Variants in CLTCL1 observed in about 807,000 individuals in gnomAD.
The protein encoded by CLTCL1 is clathrin heavy chain like 1.
Under a neutral mutation model 190.0 loss-of-function variants are expected in CLTCL1, and 159 were observed. That is an observed-to-expected ratio of 0.84 (90% CI 0.74 to 0.95). The LOEUF is 0.95. Ranked by LOEUF, CLTCL1 falls within the 40% of genes least tolerant of loss-of-function variation. The pLI, the probability that CLTCL1 is intolerant of heterozygous loss-of-function variation, is 0.00. For synonymous variants in CLTCL1, 752 were observed against 769.6 expected (o/e 0.98, Z 0.38); for missense variants, 1,878 against 2,033.4 (o/e 0.92, Z 1.47).
At chr22:19,232,027 T>A (rs1312856989) in intron 10 of CLTCL1, among the ~76,000 whole-genome samples, 1 of 152,176 alleles carries the variant, frequency 6.6e-6, no homozygotes, top group Non-Finnish European at 1.5e-5. Flanking sequence ...CATCTAAATT[T>A]TAAGTAGGTT....
intron 27 of CLTCL1, among the ~76,000 whole-genome samples, chr22:19,189,101 C>A (rs1429449135): frequency 6.6e-6 from 1 of 152,132 alleles, no homozygotes; most frequent in Non-Finnish European, 1.5e-5. Flanking sequence ...GACAGAGTTT[C>A]ACCACGTTGG....
chr22:19,191,058 G>A (rs576222488), intron 27 of CLTCL1, among the ~76,000 whole-genome samples: 173 of 152,322 alleles, frequency 1.1e-3, no homozygotes, highest in Middle Eastern at 3.4e-3. Context: ...TTACAGGCGT[G>A]AGCCACCGCA....
chr22:19,217,477 G>A (rs1226591022), intron 18 of CLTCL1, among the ~76,000 whole-genome samples: 1 of 151,892 alleles, frequency 6.6e-6, no homozygotes, highest in Non-Finnish European at 1.5e-5. Context: ...GTAGCCGGGC[G>A]TGGTGGCGGG....
chr22:19,202,780 A>T (rs1280780009), intron 22 of CLTCL1, among the ~76,000 whole-genome samples: 1 of 152,118 alleles, frequency 6.6e-6, no homozygotes, highest in Non-Finnish European at 1.5e-5. Context: ...CGATTCCTCA[A>T]GCTGAGTATT....
chr22:19,206,688 C>T (rs1555942901), intron 22 of CLTCL1, among the ~76,000 whole-genome samples: 3 of 151,986 alleles, frequency 2.0e-5, no homozygotes, highest in Admixed American at 6.6e-5. Context: ...TCTCGCACTT[C>T]GGCCTCCCAA....
At chr22:19,273,787 G>A (rs1184424477) in intron 2 of CLTCL1, among the ~76,000 whole-genome samples, 1 of 151,948 alleles carries the variant, frequency 6.6e-6, no homozygotes, top group Admixed American at 6.6e-5. Context: ...TGCTTCCTTA[G>A]ACTACCCCCT....
intron 23 of CLTCL1, among the ~76,000 whole-genome samples, chr22:19,200,667 C>T (rs373755682): frequency 1.3e-5 from 2 of 152,008 alleles, no homozygotes; most frequent in African/African-American, 2.4e-5. Context: ...GGTGAAACCC[C>T]GACTCTACTA....
At chr22:19,248,456 T>G (rs782532682) in intron 3 of CLTCL1, among the ~76,000 whole-genome samples, 2 of 152,176 alleles carry the variant, frequency 1.3e-5, no homozygotes, top group Non-Finnish European at 2.9e-5. Flanking sequence ...CATCCAATGT[T>G]TCTTCGTATA....
At chr22:19,223,750 A>T in intron 14 of CLTCL1, 141 bp downstream of exon 14, 1 of 887,916 alleles carries the variant, frequency 1.1e-6, no homozygotes, top group Admixed American at 2.7e-5. Flanking sequence ...TTTAAGCCAT[A>T]AAGTGGAGCT....
chr22:19,247,044 C>T (rs2086440756), intron 3 of CLTCL1, among the ~76,000 whole-genome samples: 1 of 152,118 alleles, frequency 6.6e-6, no homozygotes, highest in African/African-American at 2.4e-5. Context: ...GCTTTTGGTG[C>T]TATTATATAT....
At position 19,199,541 on chromosome 22, in the gene CLTCL1, G is replaced by A. The variant is rs182025741; in HGVS notation, c.3873+193C>T. 4.6e-3 allele frequency among the ~76,000 whole-genome samples: 706 copies of A among 152,328 alleles called. 7 individuals carry two copies. The highest frequency in any genetic ancestry group is 7.4e-3 in the Non-Finnish European group (501 of 68,040). On this transcript the variant is annotated intron_variant, in intron 24 of 32. Transcript: ENST00000427926. ...AAATTCCAGCCAGCCATGAGGTCGA[G>A]GATAGCTAACAAGGCAATTGAATTT...
rs943935492 is a variant in CLTCL1 at position 19,208,167 on chromosome 22, G to C, written c.3587C>G (p.Ala1196Gly). ...LEDFINGPNNAHIQQVGDRCY... is the reference protein window; with the variant it reads ...LEDFINGPNNGHIQQVGDRCY... ...GGCATGGCCTACCTGCTGGATGTGGGCATTGTTGGGTCCATTAATAAAATC... is the reference window on the plus strand; with the variant it reads ...GGCATGGCCTACCTGCTGGATGTGGCCATTGTTGGGTCCATTAATAAAATC... The change falls in exon 22 of 33, where the codon GCC becomes GGC. Residue 1196 changes from alanine to glycine, a missense_variant. Coordinates refer to ENST00000427926, the MANE Select transcript of CLTCL1 (RefSeq NM_007098.4). 6.2e-7 allele frequency: 1 copy of C among 1,613,874 alleles called. No homozygotes were observed. Among genetic ancestry groups the C allele is most frequent in the Non-Finnish European group, 8.5e-7 (1 of 1,179,880 alleles).
At chr22:19,207,699 T>C in intron 22 of CLTCL1, 1 of 477,900 alleles carries the variant, frequency 2.1e-6, no homozygotes, top group Non-Finnish European at 3.7e-6. Flanking sequence ...TCCTCATTGC[T>C]TGCATTACTG....
At position 19,242,931 on chromosome 22, in the gene CLTCL1, G is replaced by A. The variant is rs2086301229; in HGVS notation, c.525C>T (p.Asn175=). The A allele has an allele frequency of 6.2e-7, 1 of 1,612,670 alleles. No individual in the cohort carries two copies. Among genetic ancestry groups the A allele is most frequent in the Non-Finnish European group, 8.5e-7 (1 of 1,179,194 alleles). ...LLLVGISAQQ[N]RVVGAMQLYS... is the part of the protein sequence containing the mutation. Reference sequence around the variant, plus strand: ...AGAGCTGCATTGCTCCAACCACACGGTTTTGCTAAGAAAAGATATTATGCA... The same window carrying A: ...AGAGCTGCATTGCTCCAACCACACGATTTTGCTAAGAAAAGATATTATGCA... The change falls in exon 4 of 33, where the codon AAC becomes AAT. Residue 175 remains asparagine, a synonymous_variant. Transcript: ENST00000427926.
chr22:19,247,639 C>T (rs957951602), intron 3 of CLTCL1, among the ~76,000 whole-genome samples: 1 of 151,974 alleles, frequency 6.6e-6, no homozygotes, highest in Non-Finnish European at 1.5e-5. Context: ...CGGCTCACTG[C>T]AACCTCTGCA....
At chr22:19,276,017 CCTTG>C (rs362225) in intron 1 of CLTCL1, among the ~76,000 whole-genome samples, 187 bp from the exon 2 acceptor site, 92,257 of 151,670 alleles carry the variant, frequency 0.61, 28,197 homozygotes, top group South Asian at 0.73. Flanking sequence ...AATCAACTCT[CCTTG>C]AGAGATTACC....
intron 4 of CLTCL1, among the ~76,000 whole-genome samples, chr22:19,240,690 CA>C (rs782152251): frequency 9.2e-5 from 14 of 152,112 alleles, no homozygotes; most frequent in Non-Finnish European, 1.6e-4. Flanking sequence ...TTCTGTAACC[CA>C]AATGTGAGGT....
At chr22:19,277,179 G>C (rs1485397484) in intron 1 of CLTCL1, among the ~76,000 whole-genome samples, 1 of 152,144 alleles carries the variant, frequency 6.6e-6, no homozygotes, top group African/African-American at 2.4e-5. Context: ...ACGGTGCCTT[G>C]TTTGTCTTTT....
intron 2 of CLTCL1, chr22:19,257,390 T>A (rs887422836): frequency 6.3e-6 from 1 of 159,034 alleles, no homozygotes; most frequent in East Asian, 1.9e-4. Flanking sequence ...GTCCACAAAA[T>A]AATAAAATTG....
Sources: gnomAD v4.1 joint callset for allele counts (sites outside exome capture counted in the v4.1 genomes callset) on GRCh38, gnomAD v4.1.1 for gene constraint, MANE v1.5 for transcripts, NCBI Gene and HGNC (gene_info 2026-07-23, HGNC 2026-07-21) for gene names.